HS3ST5: variants seen among roughly 807,000 people sequenced by gnomAD.
HS3ST5 encodes the protein heparan sulfate-glucosamine 3-sulfotransferase 5.
Under a neutral mutation model 25.4 loss-of-function variants are expected in HS3ST5, and 10 were observed. That is an observed-to-expected ratio of 0.39 (90% CI 0.24 to 0.67). HS3ST5 has a LOEUF of 0.67. Among genes scored for constraint, HS3ST5 ranks in the 30% least tolerant of loss-of-function variants. HS3ST5 has a pLI of 0.44. For synonymous variants in HS3ST5, 170 were observed against 162.4 expected, an observed-to-expected ratio of 1.05 and a Z score of -0.36; for missense variants, 324 against 420.7, an observed-to-expected ratio of 0.77 and a Z score of 2.01.
chr6:114,077,928 C>G (rs1774233943), intron 3 of HS3ST5, among the ~76,000 whole-genome samples: 1 of 152,034 alleles, frequency 6.6e-6, no homozygotes, highest in South Asian at 2.1e-4. Context: ...ACTTTTTTCT[C>G]CTTTTTAATT....
At chr6:114,302,590 G>A (rs536323191) in intron 1 of HS3ST5, among the ~76,000 whole-genome samples, 17 of 152,194 alleles carry the variant, frequency 1.1e-4, no homozygotes, top group African/African-American at 3.4e-4. Flanking sequence ...GCAGAGATGC[G>A]GGGTACAATT....
chr6:114,105,377 C>G (rs911365777), intron 3 of HS3ST5, among the ~76,000 whole-genome samples: 3 of 152,030 alleles, frequency 2.0e-5, no homozygotes, highest in Non-Finnish European at 4.4e-5. Context: ...GGATTTTTGA[C>G]CTCTTAAGGA....
intron 1 of HS3ST5, among the ~76,000 whole-genome samples, chr6:114,263,465 T>A (rs1773267206): frequency 6.6e-6 from 1 of 152,208 alleles, no homozygotes. Context: ...GTTCTCCAGA[T>A]AAGAGAAAAG....
intron 2 of HS3ST5, among the ~76,000 whole-genome samples, chr6:114,177,438 C>A (rs1029167): frequency 6.6e-6 from 1 of 152,000 alleles, no homozygotes; most frequent in African/African-American, 2.4e-5. Flanking sequence ...AATGGATCAA[C>A]CACCCTGCTT....
At chr6:114,288,604 A>G (rs1363079412) in intron 1 of HS3ST5, among the ~76,000 whole-genome samples, 1 of 151,996 alleles carries the variant, frequency 6.6e-6, no homozygotes, top group African/African-American at 2.4e-5. Context: ...GCAGACAGAG[A>G]GTCATGTAGA....
At chr6:114,245,919 A>G (rs1772358036) in intron 1 of HS3ST5, among the ~76,000 whole-genome samples, 1 of 152,196 alleles carries the variant, frequency 6.6e-6, no homozygotes, top group African/African-American at 2.4e-5. Flanking sequence ...CTTTATACTG[A>G]CATAAAGGTA....
chr6:114,142,684 CATAAG>C (rs1435434620), intron 3 of HS3ST5: 1 of 152,154 alleles, frequency 6.6e-6, no homozygotes, highest in Non-Finnish European at 1.5e-5. Context: ...TTCAAAGTCT[CATAAG>C]AGAAGCTAAC....
intron 3 of HS3ST5, among the ~76,000 whole-genome samples, chr6:114,072,678 G>A (rs933859242): frequency 6.6e-6 from 1 of 151,764 alleles, no homozygotes; most frequent in Admixed American, 6.6e-5. Context: ...GCCATGAAGA[G>A]GATAGGAAGA....
Position 114,342,348 on chromosome 6 carries a change from G to C in HS3ST5, c.-492C>G, listed in dbSNP as rs540510104. On this transcript the variant is annotated 5_prime_UTR_variant, in exon 1 of 5. Coordinates refer to ENST00000312719, the MANE Select transcript of HS3ST5 (RefSeq NM_153612.4). Reference sequence around the variant, plus strand: ...GGCTAGGCTCGGCGGAGAGCGAGTCGGCGTGAATGAGAGCAAACCAACAGG... The same window carrying C: ...GGCTAGGCTCGGCGGAGAGCGAGTCCGCGTGAATGAGAGCAAACCAACAGG... 3.3e-3 allele frequency: 519 copies of C among 155,848 alleles called. 10 individuals carry two copies. Among genetic ancestry groups the C allele is most frequent in the Non-Finnish European group, 3.5e-3 (245 of 70,380 alleles). The allele number at this position is 155,848 out of a possible 1,614,324, so 9.7% of individuals were successfully genotyped here.
intron 3 of HS3ST5, among the ~76,000 whole-genome samples, chr6:114,116,611 A>T (rs921908938): frequency 6.6e-6 from 1 of 152,146 alleles, no homozygotes. Context: ...TTAGCAGGCC[A>T]TAGATATCTT....
chr6:114,280,001 A>G (rs1418251370), intron 1 of HS3ST5, among the ~76,000 whole-genome samples: 1 of 151,974 alleles, frequency 6.6e-6, no homozygotes, highest in Non-Finnish European at 1.5e-5. Context: ...GACCAAAGCT[A>G]AATTACATGG....
intron 3 of HS3ST5, among the ~76,000 whole-genome samples, chr6:114,105,016 TC>T (rs918927508): frequency 2.6e-5 from 4 of 152,252 alleles, no homozygotes; most frequent in African/African-American, 9.6e-5. Flanking sequence ...ATTTTTTTTT[TC>T]CTATGATCTC....
intron 2 of HS3ST5, among the ~76,000 whole-genome samples, chr6:114,219,403 A>C (rs926915728): frequency 6.6e-6 from 1 of 152,214 alleles, no homozygotes; most frequent in African/African-American, 2.4e-5. Context: ...AAGTGATTAA[A>C]AATGAAAAAT....
chr6:114,127,546 G>T (rs1203755460), intron 3 of HS3ST5, among the ~76,000 whole-genome samples: 1 of 152,036 alleles, frequency 6.6e-6, no homozygotes, highest in East Asian at 1.9e-4. Context: ...TTCCAAGTTT[G>T]GGCATTTCAG....
chr6:114,130,558 A>G (rs1777275399), intron 3 of HS3ST5, among the ~76,000 whole-genome samples: 1 of 151,888 alleles, frequency 6.6e-6, no homozygotes, highest in Non-Finnish European at 1.5e-5. Context: ...GGAAATACAG[A>G]CCCTGTTGTT....
intron 1 of HS3ST5, among the ~76,000 whole-genome samples, chr6:114,234,359 G>T (rs1177610138): frequency 6.6e-6 from 1 of 150,536 alleles, no homozygotes; most frequent in East Asian, 1.9e-4. Context: ...GAGCCCTCTT[G>T]CATGAAATGC....
At chr6:114,251,941 CTGTTA>C (rs1281060464) in intron 1 of HS3ST5, 2 of 152,220 alleles carry the variant, frequency 1.3e-5, no homozygotes, top group Non-Finnish European at 2.9e-5. Flanking sequence ...CTTGTGTCTT[CTGTTA>C]TAACAGGAAA....
chr6:114,243,021 T>A (rs1239695644), intron 1 of HS3ST5, among the ~76,000 whole-genome samples: 3 of 152,244 alleles, frequency 2.0e-5, no homozygotes, highest in Non-Finnish European at 4.4e-5. Context: ...TTCACTATTG[T>A]GAGAACCTCT....
intron 3 of HS3ST5, among the ~76,000 whole-genome samples, chr6:114,149,925 A>G (rs1778369712): frequency 6.6e-6 from 1 of 152,200 alleles, no homozygotes. Context: ...GCATCCTGTC[A>G]TATCAAGAAG....
Sources: allele counts gnomAD v4.1 joint callset (sites outside exome capture counted in the v4.1 genomes callset), GRCh38; gene constraint gnomAD v4.1.1; transcripts MANE v1.5; gene names NCBI Gene and HGNC (gene_info 2026-07-23, HGNC 2026-07-21).